FBLN1: variants seen among roughly 807,000 people sequenced by gnomAD.
The protein encoded by FBLN1 is fibulin-1.
In FBLN1, 34 loss-of-function variants were observed where a neutral mutation model predicts 89.7. The observed-to-expected ratio is 0.38, with a 90% CI of 0.29 to 0.50. The LOEUF is 0.50. Among genes scored for constraint, FBLN1 ranks in the 20% least tolerant of loss-of-function variants. The pLI is 0.92. For synonymous variants in FBLN1, 393 were observed against 391.3 expected (o/e 1.00, Z -0.05); for missense variants, 777 against 988.1 (o/e 0.79, Z 2.86).
intron 1 of FBLN1, among the ~76,000 whole-genome samples, chr22:45,510,224 C>T (rs757989454): frequency 1.3e-5 from 2 of 152,118 alleles, no homozygotes; most frequent in Non-Finnish European, 2.9e-5. Context: ...TGGAAGGACG[C>T]GGTCTCACAA....
At chr22:45,599,689 G>A (rs532396707) in intron 16 of FBLN1, among the ~76,000 whole-genome samples, 2 of 152,082 alleles carry the variant, frequency 1.3e-5, no homozygotes, top group African/African-American at 2.4e-5. Context: ...AGGCCAAAGC[G>A]GGTGGATCAC....
intron 14 of FBLN1, among the ~76,000 whole-genome samples, chr22:45,553,202 G>A (rs1166878128): frequency 6.6e-6 from 1 of 152,256 alleles, no homozygotes; most frequent in East Asian, 1.9e-4. Flanking sequence ...AGGAGAAGGA[G>A]GGGGCCTAGA....
At chr22:45,593,590 TAGG>T (rs899219564) in intron 16 of FBLN1, among the ~76,000 whole-genome samples, 9 of 152,022 alleles carry the variant, frequency 5.9e-5, no homozygotes, top group African/African-American at 2.2e-4. Context: ...TTCGGAAAGG[TAGG>T]AGGCAAACAC....
chr22:45,562,826 G>A lies in FBLN1; in HGVS notation c.1698-11685G>A. On this transcript the variant is annotated intron_variant, in intron 14 of 16. Coordinates refer to ENST00000327858, the MANE Select transcript of FBLN1 (RefSeq NM_006486.3). This position sits in a 1 kb window ranked among gnomAD's most constrained non-coding sequence, Gnocchi z 7.8. ...GGGCGGCGGGAGGCCCCGCCTGCCA[G>A]CCCCGCATCCCCGCGCTCTGCCGTT... The A allele has an allele frequency of 7.4e-7, 1 of 1,354,022 alleles. No individual in the cohort carries two copies. Among genetic ancestry groups the A allele is most frequent in the Non-Finnish European group, 1.0e-6 (1 of 955,410 alleles). The allele number at this position is 1,354,022 out of a possible 1,614,324, so 83.9% of individuals were successfully genotyped here.
At chr22:45,571,221 A>G (rs2088951489) in intron 14 of FBLN1, among the ~76,000 whole-genome samples, 1 of 152,138 alleles carries the variant, frequency 6.6e-6, no homozygotes, top group South Asian at 2.1e-4. Context: ...AAATGTTCTC[A>G]TCAGACTCTT....
In FBLN1 at chr22:45,542,203, G is replaced by A. The variant is rs777432212; in HGVS notation, c.1115G>A (p.Arg372His). Reference protein sequence around the residue: ...PPAEPCGKGHRCVNSPGSFRC... With the variant: ...PPAEPCGKGHHCVNSPGSFRC... The stretch of plus-strand genomic sequence containing the variant: ...GCTGAGCCCTGTGGGAAGGGACATC[G>A]CTGCGTGAACTCTCCCGGCAGTTTC... Residue 372 changes from arginine to histidine, a missense_variant, in exon 10 of 17, where the codon CGC (arginine) becomes CAC (histidine). Transcript: ENST00000327858. 1.9e-6 allele frequency: 3 copies of A among 1,614,184 alleles called. No homozygotes were observed. Among genetic ancestry groups the A allele is most frequent in the Non-Finnish European group, 2.5e-6 (3 of 1,180,038 alleles).
rs2088482522 is a variant in FBLN1, at chr22:45,536,359, G to A, written c.922+1022G>A. Among the ~76,000 whole-genome samples, 1 of 152,104 alleles carries A rather than the reference G, an allele frequency of 6.6e-6. No homozygotes were observed. Among genetic ancestry groups the A allele is most frequent in the East Asian group, 1.9e-4 (1 of 5,200 alleles). ...CTGGAGATGGATGGGGGTGATGGTG[G>A]CACGACAGTGTGAATGCAGTAATGC... On this transcript the variant is annotated intron_variant, in intron 8 of 16. Transcript: ENST00000327858. This position sits in a 1 kb window ranked among gnomAD's most constrained non-coding sequence, Gnocchi z 5.1.
Position 45,518,707 on chromosome 22 carries a change from C to T in FBLN1, c.105C>T (p.Ala35=), listed in dbSNP as rs1285487639. The stretch of plus-strand genomic sequence containing the variant: ...TGGACGCGGATGTCCTCCTGGAGGC[C>T]TGCTGTGCGGACGGACACCGGATGG... ...AGVDADVLLE[A]CCADGHRMAT... is the part of the protein sequence containing the mutation. The change falls in exon 2 of 17, where the codon GCC becomes GCT. Residue 35 remains alanine, a synonymous_variant. Transcript: ENST00000327858. The T allele has an allele frequency of 3.1e-6, 5 of 1,610,430 alleles. No individual in the cohort carries two copies. Among genetic ancestry groups the T allele is most frequent in the South Asian group, 1.1e-5 (1 of 89,982 alleles).
rs912244665 is a variant in FBLN1 at position 45,562,881 on chromosome 22, C to A, written c.1698-11630C>A. The stretch of plus-strand genomic sequence containing the variant: ...CGCTTGCTGGACCGGCCCTAACCCT[C>A]TTCTTGTCTCTCTGCCCACTTTTCT... On this transcript the variant is annotated intron_variant, in intron 14 of 16. Transcript: ENST00000327858. The surrounding 1 kb of genome is among the most constrained non-coding windows in gnomAD (Gnocchi z 7.8). 3 of 1,607,916 alleles carry A rather than the reference C, an allele frequency of 1.9e-6. No individual in the cohort carries two copies. Among genetic ancestry groups the A allele is most frequent in the South Asian group, 2.2e-5 (2 of 90,942 alleles).
chr22:45,564,974 T>C lies in FBLN1; in HGVS notation c.1698-9537T>C, dbSNP rs980613489. The C allele has an allele frequency of 1.6e-5, 26 of 1,613,890 alleles. 1 individual carries two copies. The Admixed American group carries it at 2.8e-4, about 18-fold the overall frequency. Reference sequence around the variant, plus strand: ...TTCCATGGAAGCAGGGGTTGGAGGATACCCACCTTGATGCCTAGTGAGGAA... The same window carrying C: ...TTCCATGGAAGCAGGGGTTGGAGGACACCCACCTTGATGCCTAGTGAGGAA... On this transcript the variant is annotated intron_variant, in intron 14 of 16. Coordinates refer to ENST00000327858, the MANE Select transcript of FBLN1 (RefSeq NM_006486.3).
chr22:45,548,035 G>A (rs905288842), intron 12 of FBLN1, among the ~76,000 whole-genome samples: 10 of 152,084 alleles, frequency 6.6e-5, no homozygotes, highest in African/African-American at 4.8e-5. Context: ...TTCATGTAAG[G>A]TGTGTGTGTA....
At chr22:45,511,343 G>A (rs1290774434) in intron 1 of FBLN1, among the ~76,000 whole-genome samples, 1 of 151,142 alleles carries the variant, frequency 6.6e-6, no homozygotes, top group Admixed American at 6.6e-5. Context: ...TAGTAGAGAC[G>A]GGCTTTCTCC....
intron 3 of FBLN1, among the ~76,000 whole-genome samples, chr22:45,527,643 G>A (rs974175044): frequency 1.3e-5 from 2 of 152,164 alleles, no homozygotes; most frequent in African/African-American, 4.8e-5. Flanking sequence ...TCAAAACTGG[G>A]ACCTAGATGA....
chr22:45,579,238 T>C lies in FBLN1; in HGVS notation c.1972+2130T>C, dbSNP rs938485007. On this transcript the variant is annotated intron_variant, in intron 16 of 16. Coordinates refer to ENST00000327858, the MANE Select transcript of FBLN1 (RefSeq NM_006486.3). This position sits in a 1 kb window ranked among gnomAD's most constrained non-coding sequence, Gnocchi z 5.5. ...TCCACTGGGGCAGAAAATCCTGGCA[T>C]GTCAGAGCCTGGAGGCTCCTAGAGA... Among the ~76,000 whole-genome samples, 1 of 152,238 alleles carries C rather than the reference T, an allele frequency of 6.6e-6. No homozygotes were observed. Among genetic ancestry groups the C allele is most frequent in the African/African-American group, 2.4e-5 (1 of 41,472 alleles).
chr22:45,513,536 A>G (rs2146943806), intron 1 of FBLN1, among the ~76,000 whole-genome samples: 1 of 152,178 alleles, frequency 6.6e-6, no homozygotes, highest in South Asian at 2.1e-4. Context: ...TTCTAAGTGT[A>G]TGGTCCAATG....
At chr22:45,518,155 A>C (rs2146949625) in intron 1 of FBLN1, among the ~76,000 whole-genome samples, 1 of 151,890 alleles carries the variant, frequency 6.6e-6, no homozygotes, top group African/African-American at 2.4e-5. Flanking sequence ...AAAAAAAAGA[A>C]AATTTTTTTT....
At chr22:45,548,043 G>C (rs1448492082) in intron 12 of FBLN1, among the ~76,000 whole-genome samples, 1 of 152,124 alleles carries the variant, frequency 6.6e-6, no homozygotes, top group African/African-American at 2.4e-5. Flanking sequence ...AGGTGTGTGT[G>C]TATTTTGTTT....
chr22:45,546,295 G>A (rs1004189864), intron 11 of FBLN1, among the ~76,000 whole-genome samples: 2 of 152,176 alleles, frequency 1.3e-5, no homozygotes, highest in East Asian at 1.9e-4. Context: ...TTGGCTCACT[G>A]CAACCTCTGC....
Position 45,597,897 on chromosome 22 carries a change from G to A in FBLN1, c.1973-2410G>A, listed in dbSNP as rs2089199939. Among the ~76,000 whole-genome samples, 1 of 152,136 alleles carries A rather than the reference G, an allele frequency of 6.6e-6. No individual in the cohort carries two copies. Among genetic ancestry groups the A allele is most frequent in the African/African-American group, 2.4e-5 (1 of 41,426 alleles). Reference sequence around the variant, plus strand: ...ACATAAGCCCAGAGAGCGAAAGGGGGGAACGTTGTGCCCAGATTCTCTTTC... The same window carrying A: ...ACATAAGCCCAGAGAGCGAAAGGGGAGAACGTTGTGCCCAGATTCTCTTTC... On this transcript the variant is annotated intron_variant, in intron 16 of 16. Coordinates refer to ENST00000327858, the MANE Select transcript of FBLN1 (RefSeq NM_006486.3). This position sits in a 1 kb window ranked among gnomAD's most constrained non-coding sequence, Gnocchi z 4.2.
Sources: gnomAD v4.1 joint callset for allele counts (sites outside exome capture counted in the v4.1 genomes callset) on GRCh38, gnomAD v4.1.1 for gene constraint, Gnocchi (gnomAD v3.1) non-coding constraint, MANE v1.5 for transcripts, NCBI Gene and HGNC (gene_info 2026-07-23, HGNC 2026-07-21) for gene names.